TRAPPC2: variants seen among roughly 807,000 people sequenced by gnomAD.
TRAPPC2 encodes trafficking protein particle complex subunit 2.
A neutral mutation model predicts 10.0 loss-of-function variants in TRAPPC2; 4 were observed. The ratio of observed to expected loss-of-function variants is 0.40; its 90% CI spans 0.20 to 0.92. The LOEUF is 0.92. TRAPPC2 is among the 40% of genes least tolerant of loss of function. TRAPPC2 has a pLI of 0.35. For missense variants in TRAPPC2, 52 were observed against 108.7 expected (o/e 0.48, Z 2.32); for synonymous variants, 36 against 37.3 (o/e 0.97, Z 0.12).
intron 2 of TRAPPC2, among the ~76,000 whole-genome samples, chrX:13,723,922 G>T (rs1403258138): frequency 9.0e-6 from 1 of 111,628 alleles, no homozygotes; most frequent in East Asian, 2.8e-4. Flanking sequence ...CATTGTCCTG[G>T]ATCATCCAGG....
At chrX:13,733,999 C>T (rs2046745598) in intron 2 of TRAPPC2, 45 bp downstream of exon 2, 5 of 513,436 alleles carry the variant, frequency 9.7e-6, no homozygotes, top group Non-Finnish European at 1.7e-5. Flanking sequence ...AGGTTTGGTT[C>T]CTTTCCTTTC....
intron 3 of TRAPPC2, among the ~76,000 whole-genome samples, chrX:13,717,389 A>G (rs945811717): frequency 8.9e-6 from 1 of 112,135 alleles, no homozygotes; most frequent in African/African-American, 3.2e-5. Flanking sequence ...GTCTGACCAT[A>G]ATGTGAAGAC....
intron 3 of TRAPPC2, among the ~76,000 whole-genome samples, chrX:13,717,779 G>T (rs1453299814): frequency 8.9e-6 from 1 of 111,763 alleles, no homozygotes; most frequent in East Asian, 2.8e-4. Flanking sequence ...ACCTGTTATG[G>T]GTTGAAGTGT....
rs1207769327 is a variant in TRAPPC2 at position 13,713,074 on chromosome X, A to G, written c.*1333T>C. On this transcript the variant is annotated 3_prime_UTR_variant, in exon 6 of 6. Transcript: ENST00000380579. Reference sequence around the variant, plus strand: ...GGTGAAACAACTGCCATTGCACTCCAGCCTGGACAACAGAGCGAAACTCCA... The same window carrying G: ...GGTGAAACAACTGCCATTGCACTCCGGCCTGGACAACAGAGCGAAACTCCA... 8.1e-5 allele frequency: 8 copies of G among 98,754 alleles called. No individual in the cohort carries two copies. The highest frequency in any genetic ancestry group is 1.2e-4 in the Admixed American group (1 of 8,672). 8.1% of individuals were successfully genotyped at this position (98,754 alleles called of 1,213,427 possible).
chrX:13,728,491 G>A (rs1456854617), intron 2 of TRAPPC2, among the ~76,000 whole-genome samples: 2 of 111,705 alleles, frequency 1.8e-5, no homozygotes, highest in African/African-American at 3.3e-5. Context: ...CAGAACCAAC[G>A]ACAAAATCCA....
Position 13,714,455 on chromosome X carries a change from T to A in TRAPPC2, c.375A>T (p.Ala125=), listed in dbSNP as rs1569072910. 8.5e-7 allele frequency: 1 copy of A among 1,175,377 alleles called. No homozygotes were observed. Among genetic ancestry groups the A allele is most frequent in the South Asian group, 1.9e-5 (1 of 52,300 alleles). The change falls in exon 6 of 6, where the codon GCA becomes GCT. Residue 125 remains alanine, a synonymous_variant. Transcript: ENST00000380579. The part of the protein sequence containing the change: ...YEPNSPIRSS[A]FDRKVQFLGK... ...CAAGAAACTGAACTTTTCTGTCAAA[T>A]GCACTTGATCGAATAGGAGAATTGG...
intron 4 of TRAPPC2, 96 bp downstream of exon 4, chrX:13,716,438 G>T: frequency 1.9e-6 from 2 of 1,054,740 alleles, no homozygotes; most frequent in Non-Finnish European, 2.6e-6. Context: ...TGACTGTGAA[G>T]TCTACAGACT....
At chrX:13,732,339 T>G (rs1421799501) in intron 2 of TRAPPC2, among the ~76,000 whole-genome samples, 2 of 111,750 alleles carry the variant, frequency 1.8e-5, no homozygotes, top group Non-Finnish European at 3.8e-5. Context: ...AGGGGAGACC[T>G]TTTTGGGGTG....
chrX:13,728,633 C>T lies in TRAPPC2; in HGVS notation c.-20+5411G>A, dbSNP rs909057410. Reference sequence around the variant, plus strand: ...ATAAGAGCTATTTATGACAAACCCACAGCCAATATCATACTGAATGGGCAA... The same window carrying T: ...ATAAGAGCTATTTATGACAAACCCATAGCCAATATCATACTGAATGGGCAA... On this transcript the variant is annotated intron_variant, in intron 2 of 5. Coordinates refer to ENST00000380579, the MANE Select transcript of TRAPPC2 (RefSeq NM_001011658.4). Among the ~76,000 whole-genome samples, 382 of 112,064 alleles carry T rather than the reference C, an allele frequency of 3.4e-3. 3 individuals carry two copies. The highest frequency in any genetic ancestry group is 4.3e-3 in the Non-Finnish European group (227 of 53,242).
At chrX:13,717,054 A>C (rs1156865328) in intron 3 of TRAPPC2, among the ~76,000 whole-genome samples, 2 of 105,753 alleles carry the variant, frequency 1.9e-5, no homozygotes, top group Non-Finnish European at 3.9e-5. Context: ...AAAAAAAAAA[A>C]AAAAAAAAAA....
At chrX:13,729,655 T>A (rs2046630383) in intron 2 of TRAPPC2, among the ~76,000 whole-genome samples, 1 of 111,963 alleles carries the variant, frequency 8.9e-6, no homozygotes. Flanking sequence ...AAGCCTGTAA[T>A]CCCGGCACTT....
chrX:13,726,901 G>C (rs2046564296), intron 2 of TRAPPC2, among the ~76,000 whole-genome samples: 1 of 111,855 alleles, frequency 8.9e-6, no homozygotes, highest in African/African-American at 3.3e-5. Context: ...AAAATAAAGG[G>C]ATGGAGGAAG....
rs187720883 is a variant in TRAPPC2, at chrX:13,734,426, G to A, written c.-162+99C>T. On this transcript the variant is annotated intron_variant, in intron 1 of 5. Coordinates refer to ENST00000380579, the MANE Select transcript of TRAPPC2 (RefSeq NM_001011658.4). ...GTCCGGCCCGGCCACCCCGGGGAGG[G>A]GTGGAGGTACAGGACCAACATCCGC... The A allele has an allele frequency of 3.6e-3, 927 of 256,940 alleles. 4 individuals carry two copies. The highest frequency in any genetic ancestry group is 0.014 in the Middle Eastern group (12 of 847). The allele number at this position is 256,940 out of a possible 1,213,427, so 21.2% of individuals were successfully genotyped here. A position where few individuals can be genotyped will look rare whatever the true frequency, so the allele number is the denominator to read the frequency against.
Position 13,734,566 on chromosome X carries a change from C to T in TRAPPC2, c.-203G>A. 2.0e-6 allele frequency: 1 copy of T among 487,822 alleles called. No individual in the cohort carries two copies. Among genetic ancestry groups the T allele is most frequent in the Non-Finnish European group, 2.7e-6 (1 of 370,597 alleles). The allele number at this position is 487,822 out of a possible 1,213,427, so 40.2% of individuals were successfully genotyped here. On this transcript the variant is annotated 5_prime_UTR_variant, in exon 1 of 6. Coordinates refer to ENST00000380579, the MANE Select transcript of TRAPPC2 (RefSeq NM_001011658.4). Reference sequence around the variant, plus strand: ...ACAACGGAAACGCAATGTCAGTTTCCGCGGAAGAGACCCGCGCCCCGAACC... The same window carrying T: ...ACAACGGAAACGCAATGTCAGTTTCTGCGGAAGAGACCCGCGCCCCGAACC...
chrX:13,716,944 ATC>A (rs762865079), intron 3 of TRAPPC2, among the ~76,000 whole-genome samples: 1 of 108,057 alleles, frequency 9.3e-6, no homozygotes, highest in South Asian at 4.1e-4. Flanking sequence ...TTTATTGAAA[ATC>A]TTTTTCATAT....
At chrX:13,715,962 T>C in intron 5 of TRAPPC2, 42 bp downstream of exon 5, 1 of 1,149,590 alleles carries the variant, frequency 8.7e-7, no homozygotes, top group Non-Finnish European at 1.2e-6. Flanking sequence ...AAAGGTCGAA[T>C]CCTTTCTCAT....
Position 13,733,629 on chromosome X carries a change from A to T in TRAPPC2, c.-20+415T>A, listed in dbSNP as rs546620574. ...TCATCGTACTCATCTTCAATGCTGT[A>T]CACAAAGCTGACATCCAATTCTGTC... On this transcript the variant is annotated intron_variant, in intron 2 of 5. Coordinates refer to ENST00000380579, the MANE Select transcript of TRAPPC2 (RefSeq NM_001011658.4). Among the ~76,000 whole-genome samples, 7 of 112,451 alleles carry T rather than the reference A, an allele frequency of 6.2e-5. No individual in the cohort carries two copies. The South Asian group carries it at 2.6e-3, about 41-fold the overall frequency.
At chrX:13,719,335 G>A (rs1366640005) in intron 3 of TRAPPC2, among the ~76,000 whole-genome samples, 1 of 110,693 alleles carries the variant, frequency 9.0e-6, no homozygotes, top group Non-Finnish European at 1.9e-5. Context: ...CAAGCAAGTT[G>A]GGTGGTATCA....
In TRAPPC2 at chrX:13,714,163, A is replaced by T. The variant is rs1286747115; in HGVS notation, c.*244T>A. 1 of 199,631 alleles carries T rather than the reference A, an allele frequency of 5.0e-6. No homozygotes were observed. The highest frequency in any genetic ancestry group is 3.0e-5 in the African/African-American group (1 of 33,195). 16.5% of individuals were successfully genotyped at this position (199,631 alleles called of 1,213,427 possible). Reference sequence around the variant, plus strand: ...TATCAGAAAAAAAAAAAAAAAAAAAACATGATTATTGATAATGAACTCTTT... The same window carrying T: ...TATCAGAAAAAAAAAAAAAAAAAAATCATGATTATTGATAATGAACTCTTT... On this transcript the variant is annotated 3_prime_UTR_variant, in exon 6 of 6. Transcript: ENST00000380579.
Sources: gnomAD v4.1 joint callset for allele counts (sites outside exome capture counted in the v4.1 genomes callset) on GRCh38, gnomAD v4.1.1 for gene constraint, MANE v1.5 for transcripts, NCBI Gene and HGNC (gene_info 2026-07-23, HGNC 2026-07-21) for gene names.